The following GAS7 variants were observed in gnomAD, a reference collection of about 807,000 sequenced individuals.
GAS7 encodes the protein growth arrest-specific protein 7.
GAS7 carries 28 observed loss-of-function variants against 71.1 expected under a neutral mutation model. The ratio of observed to expected loss-of-function variants is 0.39; its 90% CI spans 0.29 to 0.54. The LOEUF (loss-of-function observed/expected upper bound fraction) is 0.54. Among genes scored for constraint, GAS7 ranks in the 20% least tolerant of loss-of-function variants. GAS7 has a pLI of 0.62. For synonymous variants in GAS7, 258 were observed against 245.8 expected (o/e 1.05, Z -0.46); for missense variants, 436 against 627.8 (o/e 0.69, Z 3.27).
intron 9 of GAS7, among the ~76,000 whole-genome samples, chr17:9,931,731 C>G (rs146924063): frequency 1.3e-5 from 2 of 152,196 alleles, no homozygotes; most frequent in African/African-American, 2.4e-5. Context: ...AGTTAGCATG[C>G]CTTCACTGGC....
chr17:9,949,975 C>T (rs555753697), intron 5 of GAS7, among the ~76,000 whole-genome samples: 1 of 151,908 alleles, frequency 6.6e-6, no homozygotes, highest in East Asian at 2.0e-4. Flanking sequence ...GATTCTCCTG[C>T]CTCAGCCTCT....
rs73974412 is a variant in GAS7 at position 10,046,159 on chromosome 17, C to T, written c.184-26262G>A. ...CTTTTTTTTAATCCAGAAAACTGAA[C>T]TTGAATTCTCTACTGACTACGTCCC... On this transcript the variant is annotated intron_variant, in intron 1 of 13. Coordinates refer to ENST00000432992, the MANE Select transcript of GAS7 (RefSeq NM_201433.2). Among the ~76,000 whole-genome samples the T allele has an allele frequency of 2.5e-3, 375 of 152,080 alleles. 2 individuals are homozygous for T. The highest frequency in any genetic ancestry group is 8.7e-3 in the African/African-American group (360 of 41,490).
At chr17:10,102,653 C>T (rs887749801) in intron 1 of GAS7, among the ~76,000 whole-genome samples, 12 of 152,118 alleles carry the variant, frequency 7.9e-5, no homozygotes, top group African/African-American at 2.9e-4. Context: ...GGATGAGCAT[C>T]TGAATTACCA....
intron 1 of GAS7, among the ~76,000 whole-genome samples, chr17:10,164,970 G>GA (rs2074282491): frequency 6.6e-6 from 1 of 151,802 alleles, no homozygotes; most frequent in African/African-American, 2.4e-5. Context: ...CCAACATGGT[G>GA]AAACCTCGTC....
chr17:10,088,977 G>A (rs1372632861), intron 1 of GAS7, among the ~76,000 whole-genome samples: 6 of 151,826 alleles, frequency 4.0e-5, no homozygotes, highest in Admixed American at 3.9e-4. Flanking sequence ...GACCAATATG[G>A]CAAAACCCCA....
At chr17:10,055,266 G>C (rs2073120870) in intron 1 of GAS7, among the ~76,000 whole-genome samples, 1 of 152,226 alleles carries the variant, frequency 6.6e-6, no homozygotes, top group Non-Finnish European at 1.5e-5. Context: ...ATGGTGGGAA[G>C]GAAGGTTGGA....
rs1319469369 is a variant in GAS7 at position 9,910,709 on chromosome 17, A to C, written c.*6519T>G. 1 of 213,694 alleles carries C rather than the reference A, an allele frequency of 4.7e-6. No individual in the cohort carries two copies. The highest frequency in any genetic ancestry group is 9.5e-6 in the Non-Finnish European group (1 of 105,682). The allele number at this position is 213,694 out of a possible 1,614,324, so 13.2% of individuals were successfully genotyped here. On this transcript the variant is annotated 3_prime_UTR_variant, in exon 14 of 14. Transcript: ENST00000432992. ...ACATTTAATTCTTCAGCATTAATAC[A>C]CACAAATGCGGTAACAGGGGTCAGG...
intron 1 of GAS7, among the ~76,000 whole-genome samples, chr17:10,153,372 C>G (rs1343250729): frequency 1.3e-5 from 2 of 151,716 alleles, no homozygotes; most frequent in Non-Finnish European, 2.9e-5. Context: ...CAAAAATTAG[C>G]CGGGTGTGGT....
chr17:10,193,180 G>A (rs2074515251), intron 1 of GAS7, among the ~76,000 whole-genome samples: 1 of 149,682 alleles, frequency 6.7e-6, no homozygotes, highest in Non-Finnish European at 1.5e-5. Flanking sequence ...TTAGTGGACA[G>A]GCCCAGAGCC....
At chr17:9,963,296 TTAGGGGCTGCCTAAG>T (rs1402121922) in intron 4 of GAS7, among the ~76,000 whole-genome samples, 3 of 152,134 alleles carry the variant, frequency 2.0e-5, no homozygotes, top group Non-Finnish European at 4.4e-5. Flanking sequence ...GACAGAAAGA[TTAGGGGCTGCCTAAG>T]TCTTCAGGTG....
chr17:10,009,749 A>G (rs8068207), intron 2 of GAS7, among the ~76,000 whole-genome samples: 35,416 of 150,434 alleles, frequency 0.24, 5,911 homozygotes, highest in African/African-American at 0.48. Flanking sequence ...ACATATGCCC[A>G]TGGTCCCAGC....
chr17:10,088,897 C>T (rs924498184), intron 1 of GAS7, among the ~76,000 whole-genome samples: 2 of 152,088 alleles, frequency 1.3e-5, no homozygotes, highest in African/African-American at 4.8e-5. Context: ...GTGGCTCATG[C>T]CTGCAACCCC....
chr17:10,020,516 C>A (rs2072225115), intron 1 of GAS7, among the ~76,000 whole-genome samples: 1 of 152,110 alleles, frequency 6.6e-6, no homozygotes, highest in Non-Finnish European at 1.5e-5. Context: ...GCAATTAATT[C>A]TTTTAACCAT....
Position 9,916,992 on chromosome 17 carries a change from T to G in GAS7, c.*236A>C. 1.8e-6 allele frequency: 1 copy of G among 563,092 alleles called. No homozygotes were observed. Among genetic ancestry groups the G allele is most frequent in the Non-Finnish European group, 3.2e-6 (1 of 315,356 alleles). 34.9% of individuals were successfully genotyped at this position (563,092 alleles called of 1,614,324 possible). On this transcript the variant is annotated 3_prime_UTR_variant, in exon 14 of 14. Coordinates refer to ENST00000432992, the MANE Select transcript of GAS7 (RefSeq NM_201433.2). The stretch of plus-strand genomic sequence containing the variant: ...CAGAGCGGCAAGCACAGCATGGGAG[T>G]CAGGGGGTCTTCAGCCTCAGAGACA...
intron 1 of GAS7, chr17:10,059,728 CG>C: frequency 1.0e-6 from 1 of 985,384 alleles, no homozygotes; most frequent in Non-Finnish European, 1.2e-6. Context: ...AAATCTGACA[CG>C]CTGGTCATTT....
chr17:10,123,804 A>G (rs1375601644), intron 1 of GAS7, among the ~76,000 whole-genome samples: 1 of 152,244 alleles, frequency 6.6e-6, no homozygotes, highest in Non-Finnish European at 1.5e-5. Flanking sequence ...GGAGGGGCGC[A>G]GCAGAGCCCT....
intron 9 of GAS7, among the ~76,000 whole-genome samples, chr17:9,932,194 CTTTTTTTTT>C (rs34286699): frequency 1.7e-5 from 2 of 116,154 alleles, no homozygotes; most frequent in African/African-American, 3.2e-5. Context: ...GTCCCCCCCG[CTTTTTTTTT>C]TTTTTTTTTT....
At position 10,155,658 on chromosome 17, in the gene GAS7, C is replaced by T. The variant is rs373034393; in HGVS notation, c.183+42550G>A. ...CTGGCGGTACCATTCTTCTGGTCCT[C>T]CCACTCCCATCCCAAAACTGGTCCA... On this transcript the variant is annotated intron_variant, in intron 1 of 13. Coordinates refer to ENST00000432992, the MANE Select transcript of GAS7 (RefSeq NM_201433.2). 5.3e-5 allele frequency among the ~76,000 whole-genome samples: 8 copies of T among 152,166 alleles called. No homozygotes were observed. The East Asian group carries it at 7.7e-4, about 15-fold the overall frequency.
At chr17:10,125,955 G>A (rs1209169706) in intron 1 of GAS7, among the ~76,000 whole-genome samples, 2 of 152,192 alleles carry the variant, frequency 1.3e-5, no homozygotes, top group Non-Finnish European at 2.9e-5. Context: ...AGCTGGACAA[G>A]GCTGGCTCCA....
Sources: gnomAD v4.1 joint callset for allele counts (sites outside exome capture counted in the v4.1 genomes callset) on GRCh38, gnomAD v4.1.1 for gene constraint, MANE v1.5 for transcripts, NCBI Gene and HGNC (gene_info 2026-07-23, HGNC 2026-07-21) for gene names.